The following CATSPERE variants were observed in gnomAD, a reference collection of about 807,000 sequenced individuals.
CATSPERE encodes the protein catsper channel auxiliary subunit epsilon.
A neutral mutation model predicts 114.1 loss-of-function variants in CATSPERE; 93 were observed. The observed-to-expected ratio is 0.81, with a 90% CI of 0.69 to 0.97. The LOEUF (loss-of-function observed/expected upper bound fraction) is 0.97, where lower values mean the gene tolerates loss of function less well. Among genes scored for constraint, CATSPERE ranks in the 50% least tolerant of loss-of-function variants. CATSPERE has a pLI of 0.00. For synonymous variants in CATSPERE, 341 were observed against 384.1 expected, an observed-to-expected ratio of 0.89 and a Z score of 1.31; for missense variants, 1,058 against 1,131.6, an observed-to-expected ratio of 0.93 and a Z score of 0.93.
intron 10 of CATSPERE, among the ~76,000 whole-genome samples, chr1:244,570,330 A>T (rs898564508): frequency 1.3e-5 from 2 of 152,142 alleles, no homozygotes; most frequent in Non-Finnish European, 2.9e-5. Flanking sequence ...TTTGGCTTGC[A>T]AGAGATTGTG....
intron 5 of CATSPERE, 41 bp from the exon 6 acceptor site, chr1:244,490,406 C>T (rs1221671559): frequency 2.1e-6 from 3 of 1,405,446 alleles, no homozygotes; most frequent in Non-Finnish European, 3.0e-6. Flanking sequence ...TAATGTTTAA[C>T]AGGCTGTTTA....
chr1:244,585,500 C>T (rs1444643572), intron 13 of CATSPERE, among the ~76,000 whole-genome samples: 2 of 152,204 alleles, frequency 1.3e-5, no homozygotes, highest in Non-Finnish European at 2.9e-5. Context: ...GGCAGGTCCT[C>T]TACTCAGCCA....
intron 7 of CATSPERE, among the ~76,000 whole-genome samples, chr1:244,516,332 G>A (rs1676609433): frequency 6.7e-6 from 1 of 148,204 alleles, no homozygotes; most frequent in South Asian, 2.1e-4. Context: ...TGTATCAAGA[G>A]AGTTTTGTTT....
At chr1:244,600,564 C>T (rs910428214) in intron 17 of CATSPERE, among the ~76,000 whole-genome samples, 1 of 152,124 alleles carries the variant, frequency 6.6e-6, no homozygotes, top group African/African-American at 2.4e-5. Context: ...CAGAAAGTGC[C>T]ATATGAAAAA....
At chr1:244,478,259 C>T (rs956123805) in intron 4 of CATSPERE, among the ~76,000 whole-genome samples, 1 of 152,144 alleles carries the variant, frequency 6.6e-6, no homozygotes, top group African/African-American at 2.4e-5. Context: ...GATAATAGGA[C>T]TCTCAGATTA....
At chr1:244,625,430 A>ATTTTTTTTTTTTTTTTTTTTTTTTTT (rs1476267922) in intron 20 of CATSPERE, among the ~76,000 whole-genome samples, 1 of 4,342 alleles carries the variant, frequency 2.3e-4, no homozygotes, top group Non-Finnish European at 5.0e-4. Flanking sequence ...ATATATATAT[A>ATTTTTTTTTTTTTTTTTTTTTTTTTT]TATTTTTTTT....
upstream of CATSPERE, among the ~76,000 whole-genome samples, chr1:244,453,890 C>T (rs1300744027): frequency 6.6e-6 from 1 of 152,000 alleles, no homozygotes; most frequent in Non-Finnish European, 1.5e-5. Flanking sequence ...CTGGGGGGGT[C>T]TCATTTGGCT....
intron 9 of CATSPERE, among the ~76,000 whole-genome samples, chr1:244,554,703 G>C (rs1308506332): frequency 1.0e-5 from 1 of 96,744 alleles, no homozygotes; most frequent in Non-Finnish European, 2.0e-5. Context: ...CATGACCTTT[G>C]CCCACTTTTA....
At chr1:244,599,180 G>A (rs935043048) in intron 17 of CATSPERE, among the ~76,000 whole-genome samples, 1 of 152,146 alleles carries the variant, frequency 6.6e-6, no homozygotes, top group African/African-American at 2.4e-5. Context: ...CTGCAAGGTG[G>A]TGTATAAAAT....
At chr1:244,620,160 A>G (rs1438624388) in intron 20 of CATSPERE, among the ~76,000 whole-genome samples, 1 of 152,214 alleles carries the variant, frequency 6.6e-6, no homozygotes, top group Non-Finnish European at 1.5e-5. Flanking sequence ...CATGCTAGAA[A>G]CTGAAATAGC....
chr1:244,476,580 A>C (rs1669390037), intron 2 of CATSPERE, among the ~76,000 whole-genome samples: 1 of 152,180 alleles, frequency 6.6e-6, no homozygotes, highest in African/African-American at 2.4e-5. Flanking sequence ...ACGGTTTACC[A>C]CCAGTTATAA....
At position 244,463,935 on chromosome 1, in the gene CATSPERE, C is replaced by G; in HGVS notation, c.93C>G (p.Arg31=). The stretch of plus-strand genomic sequence containing the variant: ...ATTCCACTAACAGCCCAAACTATCG[C>G]ATTTTTAGTACCAGAAGTACTGTAA... The part of the protein sequence containing the change: ...WRYSTNSPNY[R]IFSTRSTIKL... Residue 31 remains arginine, a synonymous_variant, in exon 2 of 22, where the codon CGC becomes CGG. Transcript: ENST00000366534. 4 of 1,602,538 alleles carry G rather than the reference C, an allele frequency of 2.5e-6. No individual in the cohort carries two copies. Among genetic ancestry groups the G allele is most frequent in the Middle Eastern group, 3.4e-4 (2 of 5,956 alleles).
intron 11 of CATSPERE, among the ~76,000 whole-genome samples, chr1:244,580,452 A>G (rs1163044439): frequency 1.3e-5 from 2 of 152,050 alleles, no homozygotes; most frequent in Admixed American, 1.3e-4. Flanking sequence ...TCACGGACTA[A>G]TTATTGGCTA....
intron 6 of CATSPERE, among the ~76,000 whole-genome samples, chr1:244,497,188 T>C (rs1673233939): frequency 6.6e-6 from 1 of 152,180 alleles, no homozygotes; most frequent in African/African-American, 2.4e-5. Flanking sequence ...TTTCTAACTA[T>C]ATCACAAAAT....
intron 2 of CATSPERE, among the ~76,000 whole-genome samples, chr1:244,473,040 T>G (rs992672392): frequency 8.5e-5 from 13 of 152,264 alleles, no homozygotes; most frequent in Non-Finnish European, 1.2e-4. Context: ...GATATCCCAG[T>G]TGCTTCCAGT....
chr1:244,468,565 G>T (rs979864807), intron 2 of CATSPERE, among the ~76,000 whole-genome samples: 2 of 152,154 alleles, frequency 1.3e-5, no homozygotes, highest in African/African-American at 2.4e-5. Flanking sequence ...GGTAGATAAA[G>T]GGCAAGAGAG....
At chr1:244,467,661 T>G (rs1258344543) in intron 2 of CATSPERE, among the ~76,000 whole-genome samples, 4 of 152,222 alleles carry the variant, frequency 2.6e-5, no homozygotes, top group Non-Finnish European at 5.9e-5. Flanking sequence ...TACGACAGCA[T>G]TATTCCTAAG....
chr1:244,596,162 A>G (rs1376494316), intron 17 of CATSPERE, among the ~76,000 whole-genome samples: 3 of 152,212 alleles, frequency 2.0e-5, no homozygotes, highest in African/African-American at 7.2e-5. Flanking sequence ...ATACATTTGC[A>G]TAAGACATTC....
rs1411505222 is a variant in CATSPERE, at chr1:244,490,468, C to T, written c.348C>T (p.Thr116=). The T allele has an allele frequency of 6.6e-7, 1 of 1,523,188 alleles. No homozygotes were observed. Among genetic ancestry groups the T allele is most frequent in the Non-Finnish European group, 9.1e-7 (1 of 1,103,162 alleles). The allele number at this position is 1,523,188 out of a possible 1,614,324, so 94.4% of individuals were successfully genotyped here. A position where few individuals can be genotyped will look rare whatever the true frequency, so the allele number is the denominator to read the frequency against. The change falls in exon 6 of 22, where the codon ACC becomes ACT. Residue 116 remains threonine (T), a synonymous_variant. Coordinates refer to ENST00000366534, the MANE Select transcript of CATSPERE (RefSeq NM_001130957.2). ...GCAGACATTTCTTTAACAACTTTAC[C>T]CAGGTAAAATATTTTTTAAATTTTG... ...YRVRHFFNNF[T]QLITVWAYDP...
Sources: gnomAD v4.1 joint callset for allele counts (sites outside exome capture counted in the v4.1 genomes callset) on GRCh38, gnomAD v4.1.1 for gene constraint, MANE v1.5 for transcripts, NCBI Gene and HGNC (gene_info 2026-07-23, HGNC 2026-07-21) for gene names.